Variants in LINGO2 observed in about 807,000 individuals in gnomAD.
The protein encoded by LINGO2 is leucine rich repeat and Ig domain containing 2, also known as leucine-rich repeat and immunoglobulin-like domain-containing nogo receptor-interacting protein 2.
A neutral mutation model predicts 30.6 loss-of-function variants in LINGO2; 14 were observed. The ratio of observed to expected loss-of-function variants is 0.46; its 90% confidence interval spans 0.30 to 0.72. The LOEUF is 0.72. Ranked by LOEUF, LINGO2 falls within the 30% of genes least tolerant of loss-of-function variation. LINGO2 has a pLI of 0.07. For synonymous variants in LINGO2, 317 were observed against 288.5 expected, an observed-to-expected ratio of 1.10 and a Z score of -1.00; for missense variants, 729 against 751.7, an observed-to-expected ratio of 0.97 and a Z score of 0.35.
the LINGO2 span, among the ~76,000 whole-genome samples, chr9:29,136,553 C>T: frequency 1.3e-5 from 2 of 151,998 alleles, no homozygotes; most frequent in African/African-American, 4.8e-5. Context: ...TATACTTTTC[C>T]TCTTAAAATA....
intron 1 of LINGO2, among the ~76,000 whole-genome samples, chr9:28,583,428 T>C (rs910220087): frequency 6.6e-6 from 1 of 152,016 alleles, no homozygotes; most frequent in Non-Finnish European, 1.5e-5. Context: ...GTAGCCACAA[T>C]GCAAGTTATC....
chr9:28,518,049 A>T (rs958241078), intron 1 of LINGO2, among the ~76,000 whole-genome samples: 23 of 152,160 alleles, frequency 1.5e-4, no homozygotes, highest in Admixed American at 1.5e-3. Context: ...AGTCACTGGC[A>T]TAACAGATAG....
intron 5 of LINGO2, among the ~76,000 whole-genome samples, chr9:27,993,757 A>G (rs1821513449): frequency 1.3e-5 from 2 of 152,136 alleles, no homozygotes. Flanking sequence ...TTACATTTTA[A>G]CATTTACCCC....
the LINGO2 span, among the ~76,000 whole-genome samples, chr9:29,192,783 A>C: frequency 1.3e-5 from 2 of 152,116 alleles, no homozygotes; most frequent in Non-Finnish European, 2.9e-5. Context: ...AAGAAACTCC[A>C]TCTCTCTGGC....
intron 4 of LINGO2, among the ~76,000 whole-genome samples, chr9:28,199,977 A>C (rs1820169404): frequency 6.8e-6 from 1 of 146,952 alleles, no homozygotes; most frequent in African/African-American, 2.5e-5. Flanking sequence ...AATTTGAAAT[A>C]CCAGTTGAAC....
chr9:29,109,116 T>C, the LINGO2 span, among the ~76,000 whole-genome samples: 2 of 146,550 alleles, frequency 1.4e-5, no homozygotes, highest in South Asian at 4.3e-4. Context: ...ATAAGCTTTT[T>C]CCACATATTT....
At chr9:28,777,386 C>T in the LINGO2 span, among the ~76,000 whole-genome samples, 2 of 152,058 alleles carry the variant, frequency 1.3e-5, no homozygotes, top group Non-Finnish European at 2.9e-5. Context: ...GATACTCAAC[C>T]ACCAGTTTAC....
At chr9:27,987,892 T>C (rs1250325747) in intron 5 of LINGO2, among the ~76,000 whole-genome samples, 1 of 152,058 alleles carries the variant, frequency 6.6e-6, no homozygotes, top group Non-Finnish European at 1.5e-5. Context: ...CTAGGGTACA[T>C]GTGCACAATG....
At chr9:29,046,089 A>G in the LINGO2 span, among the ~76,000 whole-genome samples, 1 of 152,096 alleles carries the variant, frequency 6.6e-6, no homozygotes, top group African/African-American at 2.4e-5. Context: ...AAACAGAGAG[A>G]GTTTGACTTC....
At chr9:28,471,506 T>G (rs59373234) in intron 2 of LINGO2, among the ~76,000 whole-genome samples, 1 of 152,030 alleles carries the variant, frequency 6.6e-6, no homozygotes, top group African/African-American at 2.4e-5. Flanking sequence ...CTCCCAACAC[T>G]GCTACACAGG....
chr9:28,213,549 T>A (rs931620294), intron 4 of LINGO2, among the ~76,000 whole-genome samples: 7 of 151,452 alleles, frequency 4.6e-5, no homozygotes, highest in African/African-American at 1.7e-4. Context: ...CAAACACATT[T>A]TTCCTGGATC....
At chr9:28,451,821 G>T (rs764095203) in intron 2 of LINGO2, among the ~76,000 whole-genome samples, 3 of 151,420 alleles carry the variant, frequency 2.0e-5, no homozygotes, top group Non-Finnish European at 4.4e-5. Flanking sequence ...AAATATAGTT[G>T]AAATAATTGT....
intron 2 of LINGO2, among the ~76,000 whole-genome samples, chr9:28,437,264 C>T (rs943430659): frequency 1.3e-5 from 2 of 152,154 alleles, no homozygotes; most frequent in Non-Finnish European, 2.9e-5. Context: ...CTTCTTCTGC[C>T]TTTGTACTTC....
intron 3 of LINGO2, among the ~76,000 whole-genome samples, chr9:28,307,721 C>A: frequency 6.6e-6 from 1 of 152,188 alleles, no homozygotes; most frequent in East Asian, 1.9e-4. Flanking sequence ...TGATAAGCAA[C>A]TTCAGCAAAT....
chr9:28,680,710 T>C, the LINGO2 span, among the ~76,000 whole-genome samples: 1 of 152,116 alleles, frequency 6.6e-6, no homozygotes, highest in Non-Finnish European at 1.5e-5. Context: ...CTTGCTTTTA[T>C]TTGATAATTA....
chr9:28,900,363 T>G, the LINGO2 span, among the ~76,000 whole-genome samples: 3 of 152,190 alleles, frequency 2.0e-5, no homozygotes, highest in Non-Finnish European at 4.4e-5. Context: ...AGAAGACTCA[T>G]GTGTAGCCTT....
At chr9:28,468,950 A>G (rs1825416556) in intron 2 of LINGO2, among the ~76,000 whole-genome samples, 2 of 152,230 alleles carry the variant, frequency 1.3e-5, no homozygotes, top group Admixed American at 6.5e-5. Flanking sequence ...GTTAACTTTC[A>G]GAAACTGTCT....
At chr9:28,086,793 C>T (rs1030001655) in intron 4 of LINGO2, among the ~76,000 whole-genome samples, 18 of 152,002 alleles carry the variant, frequency 1.2e-4, no homozygotes, top group African/African-American at 2.2e-4. Context: ...TTATTTTTCA[C>T]GTCATCCATC....
At chr9:28,745,840 C>T in the LINGO2 span, among the ~76,000 whole-genome samples, 1 of 152,024 alleles carries the variant, frequency 6.6e-6, no homozygotes, top group Admixed American at 6.5e-5. Flanking sequence ...TATACTATAT[C>T]ATTTCATAGC....
Sources: gnomAD v4.1 joint callset for allele counts (sites outside exome capture counted in the v4.1 genomes callset) on GRCh38, gnomAD v4.1.1 for gene constraint, MANE v1.5 for transcripts, NCBI Gene and HGNC (gene_info 2026-07-23, HGNC 2026-07-21) for gene names.